MAGI1: variants seen among roughly 807,000 people sequenced by gnomAD.
MAGI1 encodes membrane associated guanylate kinase, WW and PDZ domain containing 1, also known as membrane-associated guanylate kinase, WW and PDZ domain-containing protein 1.
In MAGI1, 58 loss-of-function variants were observed where a neutral mutation model predicts 139.9. The ratio of observed to expected loss-of-function variants is 0.41; its 90% CI spans 0.34 to 0.52. The LOEUF (loss-of-function observed/expected upper bound fraction) is 0.52, where lower values mean the gene tolerates loss of function less well. Among genes scored for constraint, MAGI1 ranks in the 20% least tolerant of loss-of-function variants. The pLI, the probability that MAGI1 is intolerant of heterozygous loss-of-function variation, is 0.12. For missense variants in MAGI1, 1,874 were observed against 1,901.6 expected (o/e 0.99, Z 0.27); for synonymous variants, 812 against 737.9 (o/e 1.10, Z -1.63).
intron 1 of MAGI1, among the ~76,000 whole-genome samples, chr3:65,656,986 A>G (rs1342717328): frequency 6.6e-5 from 10 of 150,806 alleles, no homozygotes; most frequent in Non-Finnish European, 1.2e-4. Context: ...TCTCAAAAAA[A>G]AAAAAAAAAA....
intron 5 of MAGI1, among the ~76,000 whole-genome samples, chr3:65,454,622 A>T (rs1949271280): frequency 6.6e-6 from 1 of 151,192 alleles, no homozygotes; most frequent in South Asian, 2.1e-4. Context: ...CAGTAACTTA[A>T]AACTTTTTTT....
intron 2 of MAGI1, among the ~76,000 whole-genome samples, chr3:65,495,321 G>A (rs1194093604): frequency 6.6e-6 from 1 of 152,008 alleles, no homozygotes; most frequent in Admixed American, 6.6e-5. Context: ...TCCTTTTTGA[G>A]GGCTTTGCTC....
At chr3:65,526,229 G>T (rs1483740897) in intron 2 of MAGI1, among the ~76,000 whole-genome samples, 1 of 152,086 alleles carries the variant, frequency 6.6e-6, no homozygotes, top group Non-Finnish European at 1.5e-5. Flanking sequence ...TCACTGTGAA[G>T]GTGTTGTTGA....
intron 1 of MAGI1, among the ~76,000 whole-genome samples, chr3:65,787,012 C>T (rs2039441691): frequency 6.6e-6 from 1 of 152,048 alleles, no homozygotes; most frequent in Non-Finnish European, 1.5e-5. Context: ...CTTACTAAGC[C>T]ACAAGCACAC....
At chr3:65,998,784 C>T (rs2066590826) in intron 1 of MAGI1, among the ~76,000 whole-genome samples, 1 of 151,958 alleles carries the variant, frequency 6.6e-6, no homozygotes, top group South Asian at 2.1e-4. Flanking sequence ...GGTACTATTC[C>T]TTTCATCTAA....
intron 1 of MAGI1, among the ~76,000 whole-genome samples, chr3:65,807,170 C>G (rs574121319): frequency 6.6e-6 from 1 of 152,314 alleles, no homozygotes; most frequent in Admixed American, 6.5e-5. Context: ...TAATCTGTTC[C>G]TGTTGCTATA....
intron 3 of MAGI1, among the ~76,000 whole-genome samples, chr3:65,486,053 G>A (rs1157404886): frequency 6.6e-6 from 1 of 152,142 alleles, no homozygotes; most frequent in African/African-American, 2.4e-5. Flanking sequence ...TCTAAGGCCT[G>A]CCAAAGAACA....
chr3:66,035,215 T>C (rs1329844579), intron 1 of MAGI1, among the ~76,000 whole-genome samples: 1 of 152,234 alleles, frequency 6.6e-6, no homozygotes, highest in East Asian at 1.9e-4. Flanking sequence ...GTTTGATTCC[T>C]GCACAATCCA....
chr3:65,422,194 G>A (rs1382599567), intron 12 of MAGI1, among the ~76,000 whole-genome samples: 2 of 152,156 alleles, frequency 1.3e-5, no homozygotes, highest in African/African-American at 2.4e-5. Context: ...CTTGAAGTGC[G>A]GACAGATGGA....
chr3:65,478,569 G>A (rs768356441), intron 4 of MAGI1, 23 bp downstream of exon 4: 14 of 1,608,230 alleles, frequency 8.7e-6, no homozygotes, highest in Middle Eastern at 1.8e-4. Flanking sequence ...GGTCCATTGA[G>A]GGCAACATGA....
intron 1 of MAGI1, among the ~76,000 whole-genome samples, chr3:65,985,223 T>A (rs754975986): frequency 1.3e-5 from 2 of 152,232 alleles, no homozygotes; most frequent in Non-Finnish European, 2.9e-5. Flanking sequence ...CACAAACACA[T>A]GACAAGTTAT....
At chr3:65,974,103 T>A (rs975064964) in intron 1 of MAGI1, among the ~76,000 whole-genome samples, 2 of 152,062 alleles carry the variant, frequency 1.3e-5, no homozygotes, top group Non-Finnish European at 2.9e-5. Flanking sequence ...CTTATTTACT[T>A]CTAGAATTCA....
chr3:65,385,813 T>C (rs1251021517), intron 14 of MAGI1, among the ~76,000 whole-genome samples: 1 of 152,186 alleles, frequency 6.6e-6, no homozygotes, highest in African/African-American at 2.4e-5. Flanking sequence ...GAGAGTAATA[T>C]TTTCTTGAGC....
intron 2 of MAGI1, among the ~76,000 whole-genome samples, chr3:65,495,431 T>C (rs908752104): frequency 2.0e-5 from 3 of 152,180 alleles, no homozygotes; most frequent in Non-Finnish European, 2.9e-5. Flanking sequence ...ATTATATACA[T>C]ATAAATATAT....
chr3:65,543,168 G>T (rs1031499910), intron 2 of MAGI1, among the ~76,000 whole-genome samples: 1 of 152,182 alleles, frequency 6.6e-6, no homozygotes, highest in South Asian at 2.1e-4. Context: ...ATCATCACTG[G>T]ACATTAGAGA....
chr3:65,691,502 T>C (rs2088652382), intron 1 of MAGI1, among the ~76,000 whole-genome samples: 1 of 152,070 alleles, frequency 6.6e-6, no homozygotes, highest in East Asian at 1.9e-4. Context: ...TTTTCCTTCT[T>C]TGACCACATA....
chr3:65,799,353 T>C lies in MAGI1; in HGVS notation c.314-177265A>G, dbSNP rs142831926. 2.4e-3 allele frequency among the ~76,000 whole-genome samples: 360 copies of C among 152,198 alleles called. 2 individuals carry two copies. Among genetic ancestry groups the C allele is most frequent in the Middle Eastern group, 0.014 (4 of 294 alleles). On this transcript the variant is annotated intron_variant, in intron 1 of 22. Transcript: ENST00000402939. ...GTGGCACCAGGAAGCACCGAGCCTA[T>C]ACAAAGACTTCAGCAAGGGATCCCC...
chr3:66,027,213 A>T (rs1450818702), intron 1 of MAGI1, among the ~76,000 whole-genome samples: 1 of 151,948 alleles, frequency 6.6e-6, no homozygotes, highest in Non-Finnish European at 1.5e-5. Context: ...GCTTGCAGCG[A>T]GCCAAGATCG....
intron 12 of MAGI1, among the ~76,000 whole-genome samples, chr3:65,422,004 CA>C (rs1559540686): frequency 6.6e-6 from 1 of 152,086 alleles, no homozygotes; most frequent in Non-Finnish European, 1.5e-5. Context: ...TTCTTCTATT[CA>C]AATGTATAAA....
Sources: gnomAD v4.1 joint callset for allele counts (sites outside exome capture counted in the v4.1 genomes callset) on GRCh38, gnomAD v4.1.1 for gene constraint, MANE v1.5 for transcripts, NCBI Gene and HGNC (gene_info 2026-07-23, HGNC 2026-07-21) for gene names.